Variants in AGAP1 observed in about 807,000 individuals in gnomAD.
The protein encoded by AGAP1 is ArfGAP with GTPase domain, ankyrin repeat and PH domain 1.
AGAP1 carries 29 observed loss-of-function variants against 105.3 expected under a neutral mutation model. The ratio of observed to expected loss-of-function variants is 0.28; its 90% CI spans 0.21 to 0.38. The LOEUF (loss-of-function observed/expected upper bound fraction) is 0.38, where lower values mean the gene tolerates loss of function less well. AGAP1 is among the 10% of genes least tolerant of loss of function. The pLI, the probability that AGAP1 is intolerant of heterozygous loss-of-function variation, is 1.00. For synonymous variants in AGAP1, 509 were observed against 485.9 expected, an observed-to-expected ratio of 1.05 and a Z score of -0.63; for missense variants, 998 against 1,165.1, an observed-to-expected ratio of 0.86 and a Z score of 2.09.
intron 1 of AGAP1, among the ~76,000 whole-genome samples, chr2:235,680,722 C>A (rs940148821): frequency 6.6e-6 from 1 of 151,600 alleles, no homozygotes; most frequent in Non-Finnish European, 1.5e-5. Context: ...GCCTGAGCTT[C>A]TCCTTGTTGG....
chr2:235,931,745 G>A lies in AGAP1; in HGVS notation c.1483+822G>A, dbSNP rs2052730303. 6.6e-6 allele frequency among the ~76,000 whole-genome samples: 1 copy of A among 152,072 alleles called. No individual in the cohort carries two copies. The highest frequency in any genetic ancestry group is 2.1e-4 in the South Asian group (1 of 4,830). ...CACCAGCTGCTGCAGCAGGACGTTT[G>A]CTTTGGGTAAACATCATCCTTATTT... On this transcript the variant is annotated intron_variant, in intron 12 of 17. Transcript: ENST00000304032. The surrounding 1 kb of genome is among the most constrained non-coding windows in gnomAD (Gnocchi z 5.6).
Position 235,891,488 on chromosome 2 carries a change from T to TA in AGAP1, c.1155+8042dup, listed in dbSNP as rs2050538131. The stretch of plus-strand genomic sequence containing the variant: ...CCCTGAGAGTCCCTTTCTGTGGACT[T>TA]AAATGTGAGCCTTAGGGAGCACCTT... On this transcript the variant is annotated intron_variant, in intron 10 of 17. Coordinates refer to ENST00000304032, the MANE Select transcript of AGAP1 (RefSeq NM_001037131.3). This position sits in a 1 kb window ranked among gnomAD's most constrained non-coding sequence, Gnocchi z 4.2. Among the ~76,000 whole-genome samples, 1 of 152,158 alleles carries TA rather than the reference T, an allele frequency of 6.6e-6. No individual in the cohort carries two copies. The highest frequency in any genetic ancestry group is 6.5e-5 in the Admixed American group (1 of 15,284).
intron 1 of AGAP1, among the ~76,000 whole-genome samples, chr2:235,567,513 G>T (rs1005205611): frequency 2.0e-5 from 3 of 152,322 alleles, no homozygotes; most frequent in South Asian, 4.1e-4. Context: ...TTCTCCCCGT[G>T]TCTGTTCTTG....
At position 235,883,527 on chromosome 2, in the gene AGAP1, G is replaced by A; in HGVS notation, c.1155+78G>A. ...TGTGGGGAAGGGGAACCTACCAGCAGCCCAGCCTCTTGTCTCTGTTTGAAG... is the reference window on the plus strand; with the variant it reads ...TGTGGGGAAGGGGAACCTACCAGCAACCCAGCCTCTTGTCTCTGTTTGAAG... On this transcript the variant is annotated intron_variant, in intron 10 of 17. Transcript: ENST00000304032. This position sits in a 1 kb window ranked among gnomAD's most constrained non-coding sequence, Gnocchi z 4.5. 1 of 1,174,442 alleles carries A rather than the reference G, an allele frequency of 8.5e-7. No homozygotes were observed. Among genetic ancestry groups the A allele is most frequent in the Non-Finnish European group, 1.2e-6 (1 of 802,684 alleles). 72.8% of individuals were successfully genotyped at this position (1,174,442 alleles called of 1,614,324 possible).
chr2:236,098,678 G>C (rs1243293153), intron 16 of AGAP1, among the ~76,000 whole-genome samples: 3 of 139,054 alleles, frequency 2.2e-5, no homozygotes, highest in African/African-American at 8.6e-5. Flanking sequence ...AGGCTGGAGT[G>C]CAGTGCCACA....
chr2:235,632,211 G>A (rs1946850731), intron 1 of AGAP1, among the ~76,000 whole-genome samples: 1 of 152,198 alleles, frequency 6.6e-6, no homozygotes, highest in Admixed American at 6.5e-5. Flanking sequence ...GTGACTTAAG[G>A]GGAGTTAATG....
At position 235,720,541 on chromosome 2, in the gene AGAP1, G is replaced by A. The variant is rs1951328917; in HGVS notation, c.310+2897G>A. ...CTCTGTGGCCTTCCCATTTCTTGGT[G>A]TACTGCTGCCTTCTCATCAGACCTC... On this transcript the variant is annotated intron_variant, in intron 3 of 17. Transcript: ENST00000304032. The surrounding 1 kb of genome is among the most constrained non-coding windows in gnomAD (Gnocchi z 5.0). 3 of 430,412 alleles carry A rather than the reference G, an allele frequency of 7.0e-6. No homozygotes were observed. Among genetic ancestry groups the A allele is most frequent in the African/African-American group, 4.3e-5 (2 of 46,448 alleles). The allele number at this position is 430,412 out of a possible 1,614,324, so 26.7% of individuals were successfully genotyped here.
In AGAP1 at chr2:235,690,462, T is replaced by C. The variant is rs1949686306; in HGVS notation, c.164-18717T>C. 6.6e-6 allele frequency among the ~76,000 whole-genome samples: 1 copy of C among 152,182 alleles called. No individual in the cohort carries two copies. Among genetic ancestry groups the C allele is most frequent in the South Asian group, 2.1e-4 (1 of 4,832 alleles). On this transcript the variant is annotated intron_variant, in intron 1 of 17. Transcript: ENST00000304032. The surrounding 1 kb of genome is among the most constrained non-coding windows in gnomAD (Gnocchi z 4.1). ...ATTTGAAACATTGAGACACAGCTTCTAGTTTAAAATAAAGGTGATAGCCAA... is the reference window on the plus strand; with the variant it reads ...ATTTGAAACATTGAGACACAGCTTCCAGTTTAAAATAAAGGTGATAGCCAA...
rs1301421379 is a variant in AGAP1 at position 236,044,266 on chromosome 2, T to C, written c.1891+3425T>C. 6.6e-6 allele frequency among the ~76,000 whole-genome samples: 1 copy of C among 152,114 alleles called. No individual in the cohort carries two copies. Among genetic ancestry groups the C allele is most frequent in the Non-Finnish European group, 1.5e-5 (1 of 68,014 alleles). On this transcript the variant is annotated intron_variant, in intron 15 of 17. Coordinates refer to ENST00000304032, the MANE Select transcript of AGAP1 (RefSeq NM_001037131.3). This position sits in a 1 kb window ranked among gnomAD's most constrained non-coding sequence, Gnocchi z 5.7. ...CAGGCCCATCGGACAGTGGGGCCTTTGTTTAGGGTGCCTGTTGCCTGCCTT... is the reference window on the plus strand; with the variant it reads ...CAGGCCCATCGGACAGTGGGGCCTTCGTTTAGGGTGCCTGTTGCCTGCCTT...
Position 235,843,016 on chromosome 2 carries a change from C to G in AGAP1, c.1050+35685C>G, listed in dbSNP as rs72985016. ...TGCTGGAGTTACAGGCGTTAGCTGC[C>G]GTGCCCGGCCCGTGTGAGATTTGAT... On this transcript the variant is annotated intron_variant, in intron 9 of 17. Transcript: ENST00000304032. This position sits in a 1 kb window ranked among gnomAD's most constrained non-coding sequence, Gnocchi z 5.9. Among the ~76,000 whole-genome samples the G allele has an allele frequency of 6.6e-5, 10 of 152,220 alleles. No homozygotes were observed. Among genetic ancestry groups the G allele is most frequent in the African/African-American group, 2.4e-4 (10 of 41,452 alleles).
intron 1 of AGAP1, among the ~76,000 whole-genome samples, chr2:235,630,002 C>T (rs902581747): frequency 5.9e-5 from 9 of 151,812 alleles, no homozygotes; most frequent in African/African-American, 2.2e-4. Context: ...AGATGTTAAC[C>T]ACTTCATCAC....
In AGAP1 at chr2:235,687,799, C is replaced by T. The variant is rs745415724; in HGVS notation, c.164-21380C>T. On this transcript the variant is annotated intron_variant, in intron 1 of 17. Coordinates refer to ENST00000304032, the MANE Select transcript of AGAP1 (RefSeq NM_001037131.3). ...AGATAATTTAAGCAGGGGCAAAGTA[C>T]ACATTACTGAGGATTCAGCGCTCTT... Among the ~76,000 whole-genome samples the T allele has an allele frequency of 2.0e-5, 3 of 151,060 alleles. 1 individual carries two copies. The South Asian group carries it at 6.3e-4, about 32-fold the overall frequency.
rs2057701137 is a variant in AGAP1, at chr2:236,045,873, A to G, written c.1892-3186A>G. On this transcript the variant is annotated intron_variant, in intron 15 of 17. Transcript: ENST00000304032. This position sits in a 1 kb window ranked among gnomAD's most constrained non-coding sequence, Gnocchi z 6.9. ...TCAGCCCCAGCCTTACCTGTCTCTA[A>G]GCAGAGGGTGGTGAGCATGGGGCCC... is the stretch of plus-strand genomic sequence containing the variant. The G allele has an allele frequency of 1.5e-5, 7 of 454,164 alleles. No individual in the cohort carries two copies. The highest frequency in any genetic ancestry group is 1.1e-4 in the South Asian group (7 of 62,910). 28.1% of individuals were successfully genotyped at this position (454,164 alleles called of 1,614,324 possible). A position where few individuals can be genotyped will look rare whatever the true frequency, so the allele number is the denominator to read the frequency against.
At chr2:235,802,122 G>T (rs1575502355) in intron 8 of AGAP1, among the ~76,000 whole-genome samples, 1 of 152,250 alleles carries the variant, frequency 6.6e-6, no homozygotes, top group East Asian at 1.9e-4. Context: ...GTTTTGCTCA[G>T]TGTCTAGGAG....
At chr2:235,589,212 T>G (rs1407974640) in intron 1 of AGAP1, among the ~76,000 whole-genome samples, 2 of 127,572 alleles carry the variant, frequency 1.6e-5, no homozygotes, top group Non-Finnish European at 3.1e-5. Flanking sequence ...TTTTTTTTTT[T>G]TTTTTTTTTT....
intron 16 of AGAP1, among the ~76,000 whole-genome samples, chr2:236,111,784 T>C (rs2059649779): frequency 1.8e-5 from 2 of 113,060 alleles, no homozygotes. Context: ...AGTGCGACTC[T>C]ATCTCAAAAA....
intron 1 of AGAP1, among the ~76,000 whole-genome samples, chr2:235,667,199 T>C (rs1948154758): frequency 6.6e-6 from 1 of 152,196 alleles, no homozygotes; most frequent in Non-Finnish European, 1.5e-5. Context: ...CCTTAGCATT[T>C]TTCGGGAGTT....
At chr2:235,536,626 T>TAC (rs1943242103) in intron 1 of AGAP1, among the ~76,000 whole-genome samples, 9 of 63,320 alleles carry the variant, frequency 1.4e-4, no homozygotes, top group Admixed American at 3.7e-4. Flanking sequence ...TGTCGCATCC[T>TAC]TCACACACAC....
intron 1 of AGAP1, among the ~76,000 whole-genome samples, chr2:235,504,660 T>A (rs1289842574): frequency 3.3e-5 from 5 of 152,150 alleles, no homozygotes; most frequent in Non-Finnish European, 7.4e-5. Flanking sequence ...TCTCTGTGGG[T>A]TGGACGTAGC....
Sources: allele counts gnomAD v4.1 joint callset (sites outside exome capture counted in the v4.1 genomes callset), GRCh38; gene constraint gnomAD v4.1.1; non-coding constraint Gnocchi (gnomAD v3.1); transcripts MANE v1.5; gene names NCBI Gene and HGNC (gene_info 2026-07-23, HGNC 2026-07-21).